The following RASGRP3 variants were observed in gnomAD, a reference collection of about 807,000 sequenced individuals.
RASGRP3 encodes the protein ras guanyl-releasing protein 3.
Under a neutral mutation model 82.7 loss-of-function variants are expected in RASGRP3, and 54 were observed. The ratio of observed to expected loss-of-function variants is 0.65; its 90% CI spans 0.52 to 0.82. The LOEUF is 0.82. Ranked by LOEUF, RASGRP3 falls within the 40% of genes least tolerant of loss-of-function variation. The pLI is 0.00. For synonymous variants in RASGRP3, 309 were observed against 300.5 expected (o/e 1.03, Z -0.29); for missense variants, 861 against 828.9 (o/e 1.04, Z -0.48).
upstream of RASGRP3, among the ~76,000 whole-genome samples, chr2:33,473,403 A>G (rs1028229281): frequency 2.2e-4 from 34 of 152,216 alleles, no homozygotes; most frequent in African/African-American, 7.2e-4. Flanking sequence ...GCAAAAAATC[A>G]GAAAGACTGT....
chr2:33,480,730 G>A (rs1667819453), intron 1 of RASGRP3, among the ~76,000 whole-genome samples: 1 of 152,180 alleles, frequency 6.6e-6, no homozygotes, highest in African/African-American at 2.4e-5. Context: ...TAACTTTCCT[G>A]GATCCTCCTT....
chr2:33,476,313 G>C (rs1266593079), upstream of RASGRP3: 1 of 152,242 alleles, frequency 6.6e-6, no homozygotes, highest in Non-Finnish European at 1.5e-5. Flanking sequence ...TGAGATGAGA[G>C]AGCATGGAGC....
intron 4 of RASGRP3, among the ~76,000 whole-genome samples, chr2:33,519,491 C>G (rs940533171): frequency 2.0e-5 from 3 of 152,038 alleles, no homozygotes; most frequent in Non-Finnish European, 2.9e-5. Context: ...TGGCGGGTTC[C>G]CACTACTAGG....
rs149124727 is a variant in RASGRP3 at position 33,563,137 on chromosome 2, T to G, written c.*400T>G. 4.1e-3 allele frequency: 811 copies of G among 195,842 alleles called. 9 individuals carry two copies. Among genetic ancestry groups the G allele is most frequent in the African/African-American group, 0.017 (753 of 43,266 alleles). 12.1% of individuals were successfully genotyped at this position (195,842 alleles called of 1,614,324 possible). On this transcript the variant is annotated 3_prime_UTR_variant, in exon 18 of 18. Transcript: ENST00000403687. The stretch of plus-strand genomic sequence containing the variant: ...TTCAATATTTTTATAAACTTTTGTG[T>G]GTGCTGTGGCAGGGAACAGTTAACA...
At chr2:33,503,364 G>C (rs1192392296) in intron 1 of RASGRP3, among the ~76,000 whole-genome samples, 1 of 152,146 alleles carries the variant, frequency 6.6e-6, no homozygotes, top group Non-Finnish European at 1.5e-5. Context: ...GGTATGGACT[G>C]TGATTTCATT....
chr2:33,470,196 A>G, intron 2 of RASGRP3, among the ~76,000 whole-genome samples: 1 of 152,142 alleles, frequency 6.6e-6, no homozygotes, highest in Non-Finnish European at 1.5e-5. Context: ...AATTAATTTG[A>G]GGGAGAATTA....
intron 9 of RASGRP3, among the ~76,000 whole-genome samples, chr2:33,525,915 TGCTCC>T (rs1388220470): frequency 1.3e-5 from 2 of 151,994 alleles, no homozygotes; most frequent in Non-Finnish European, 2.9e-5. Context: ...CTGACTCAGG[TGCTCC>T]GCCCGCCTCT....
intron 2 of RASGRP3, among the ~76,000 whole-genome samples, chr2:33,461,495 C>G (rs1666363391): frequency 6.6e-6 from 1 of 152,206 alleles, no homozygotes; most frequent in Admixed American, 6.5e-5. Context: ...CCAGGCTGGT[C>G]TTGAACTCCC....
intron 13 of RASGRP3, among the ~76,000 whole-genome samples, chr2:33,545,435 T>A (rs1343161625): frequency 1.3e-5 from 2 of 152,234 alleles, no homozygotes; most frequent in African/African-American, 4.8e-5. Context: ...ATAGGTGTCT[T>A]TACTGTGTGA....
At chr2:33,559,061 CAGA>C (rs745631740) in intron 17 of RASGRP3, 31 bp downstream of exon 17, 4 of 1,522,946 alleles carry the variant, frequency 2.6e-6, no homozygotes, top group African/African-American at 1.4e-5. Flanking sequence ...CAAAGAAAAC[CAGA>C]AGAAGGAGGC....
intron 1 of RASGRP3, among the ~76,000 whole-genome samples, chr2:33,443,444 G>A (rs1485635209): frequency 6.6e-6 from 1 of 152,120 alleles, no homozygotes. Flanking sequence ...GAATTCTTTG[G>A]ATGGGGAAAC....
intron 10 of RASGRP3, among the ~76,000 whole-genome samples, chr2:33,531,379 G>C (rs2151047578): frequency 6.6e-6 from 1 of 152,326 alleles, no homozygotes; most frequent in South Asian, 2.1e-4. Context: ...CTTTGGGCAG[G>C]TCCGTAAAGC....
chr2:33,505,798 C>G (rs541169102), intron 1 of RASGRP3, among the ~76,000 whole-genome samples: 5 of 152,264 alleles, frequency 3.3e-5, no homozygotes, highest in African/African-American at 1.2e-4. Context: ...CTGAATGTGT[C>G]CATCTGGAAG....
chr2:33,527,235 T>C lies in RASGRP3; in HGVS notation c.906T>C (p.Leu302=). ...ADCDGFKIPI[L]GVHLKDLIAV... ...GCGATGGCTTCAAAATCCCCATCCT[T>C]GGAGTACACTTGAAAGACTTGATAG... The change falls in exon 10 of 18, where the codon CTT becomes CTC. Residue 302 remains leucine, a synonymous_variant. Coordinates refer to ENST00000403687, the MANE Select transcript of RASGRP3 (RefSeq NM_001139488.2). The C allele has an allele frequency of 6.2e-7, 1 of 1,614,032 alleles. No homozygotes were observed. The highest frequency in any genetic ancestry group is 8.5e-7 in the Non-Finnish European group (1 of 1,179,890).
At position 33,556,231 on chromosome 2, in the gene RASGRP3, CTTTTTTTTTTT is replaced by C. The variant is rs573022728; in HGVS notation, c.1579+681_1579+691del. Among the ~76,000 whole-genome samples the C allele has an allele frequency of 5.2e-5, 3 of 57,496 alleles. 1 individual carries two copies. The highest frequency in any genetic ancestry group is 8.5e-5 in the Non-Finnish European group (3 of 35,340). 37.7% of individuals were successfully genotyped at this position (57,496 alleles called of 152,430 possible). On this transcript the variant is annotated intron_variant, in intron 15 of 17. Transcript: ENST00000403687. ...CAGTTTATATGGTTCTTCTAATAAT[CTTTTTTTTTTT>C]TTTTTTTTTTTTTTTTGAGACGGAG...
intron 1 of RASGRP3, among the ~76,000 whole-genome samples, chr2:33,486,877 T>C (rs1376248021): frequency 1.3e-5 from 2 of 152,178 alleles, no homozygotes; most frequent in African/African-American, 4.8e-5. Context: ...AAAGATAAGG[T>C]GGTTCTGGGT....
upstream of RASGRP3, among the ~76,000 whole-genome samples, chr2:33,472,025 A>G (rs187874292): frequency 6.6e-6 from 1 of 152,238 alleles, no homozygotes; most frequent in African/African-American, 2.4e-5. Flanking sequence ...TTGGAAAGAA[A>G]TTACTTACAA....
At chr2:33,553,557 T>C (rs1558522340) in intron 14 of RASGRP3, among the ~76,000 whole-genome samples, 1 of 152,100 alleles carries the variant, frequency 6.6e-6, no homozygotes, top group Non-Finnish European at 1.5e-5. Flanking sequence ...ATTCACCTTT[T>C]ACAAAAGAGA....
At chr2:33,453,686 G>A (rs1665907878) in intron 2 of RASGRP3, among the ~76,000 whole-genome samples, 1 of 152,176 alleles carries the variant, frequency 6.6e-6, no homozygotes, top group African/African-American at 2.4e-5. Flanking sequence ...GGTCAGTCCT[G>A]ATTCAGCATG....
Sources: allele counts gnomAD v4.1 joint callset (sites outside exome capture counted in the v4.1 genomes callset), GRCh38; gene constraint gnomAD v4.1.1; transcripts MANE v1.5; gene names NCBI Gene and HGNC (gene_info 2026-07-23, HGNC 2026-07-21).